The following ABCA12 variants were observed in gnomAD, a reference collection of about 807,000 sequenced individuals.
The protein encoded by ABCA12 is glucosylceramide transporter ABCA12.
A neutral mutation model predicts 293.5 loss-of-function variants in ABCA12; 156 were observed. The ratio of observed to expected loss-of-function variants is 0.53; its 90% confidence interval spans 0.47 to 0.61. The LOEUF (loss-of-function observed/expected upper bound fraction) is 0.61. Ranked by LOEUF, ABCA12 falls within the 20% of genes least tolerant of loss-of-function variation. The pLI is 0.00. For missense variants in ABCA12, 2,797 were observed against 3,090.2 expected (o/e 0.91, Z 2.25); for synonymous variants, 1,063 against 1,108.0 (o/e 0.96, Z 0.81).
chr2:215,114,251 G>A (rs1260608776), intron 1 of ABCA12, among the ~76,000 whole-genome samples: 1 of 152,156 alleles, frequency 6.6e-6, no homozygotes, highest in Non-Finnish European at 1.5e-5. Flanking sequence ...GAGATTACAG[G>A]CGTTAGTCAC....
chr2:214,944,737 C>A (rs891742568), intron 49 of ABCA12, among the ~76,000 whole-genome samples: 2 of 152,036 alleles, frequency 1.3e-5, no homozygotes, highest in Non-Finnish European at 2.9e-5. Flanking sequence ...TCCGTCCCAC[C>A]ACAGGAACTA....
chr2:215,111,636 T>C lies in ABCA12; in HGVS notation c.124A>G (p.Ile42Val), dbSNP rs1702572111. Residue 42 changes from isoleucine to valine, a missense_variant, in exon 2 of 53, where the codon ATT becomes GTT. By Grantham distance (29) the Ile-to-Val change is conservative. This residue lies in a region of ABCA12 where 656 missense variants were observed against 638.2 expected (regional missense o/e 1.03). Coordinates refer to ENST00000272895, the MANE Select transcript of ABCA12 (RefSeq NM_173076.3). ...GTTGGAGGAAATTTGGTCCGAGTAA[T>C]AGCCAAAATTATGAAAATAATGACT... Reference protein sequence around the residue: ...WPVIIFIILAITRTKFPPTAK... With the variant: ...WPVIIFIILAVTRTKFPPTAK... 2 of 1,613,432 alleles carry C rather than the reference T, an allele frequency of 1.2e-6. No homozygotes were observed. Among genetic ancestry groups the C allele is most frequent in the African/African-American group, 1.3e-5 (1 of 74,914 alleles).
At chr2:214,940,900 CTT>C (rs1433144204) in intron 50 of ABCA12, among the ~76,000 whole-genome samples, 1 of 151,432 alleles carries the variant, frequency 6.6e-6, no homozygotes, top group African/African-American at 2.4e-5. Context: ...CTTTGGTAGT[CTT>C]TTCAAAAAGC....
chr2:215,054,747 G>A, intron 3 of ABCA12, 83 bp from the exon 4 acceptor site: 1 of 1,034,720 alleles, frequency 9.7e-7, no homozygotes, highest in East Asian at 2.4e-5. Context: ...AGATTCCAGG[G>A]CTGTCTGAGG....
At chr2:215,133,149 ATTTTTTTTTTTTTTTTT>A (rs55641331) in intron 1 of ABCA12, among the ~76,000 whole-genome samples, 150 of 34,880 alleles carry the variant, frequency 4.3e-3, no homozygotes, top group South Asian at 0.013. Context: ...GCTGGCTTTA[ATTTTTTTTTTTTTTTTT>A]TTTTTTTTTT....
chr2:214,983,582 C>T (rs1253213984), intron 29 of ABCA12, 65 bp downstream of exon 29: 2 of 1,418,022 alleles, frequency 1.4e-6, no homozygotes, highest in African/African-American at 2.8e-5. Context: ...CAGAACTTTA[C>T]CAACCAAGCT....
intron 27 of ABCA12, among the ~76,000 whole-genome samples, chr2:214,987,246 CA>C (rs1699808414): frequency 6.6e-6 from 1 of 152,194 alleles, no homozygotes; most frequent in East Asian, 1.9e-4. Context: ...CAGGAAGACA[CA>C]AGCTTTGAAC....
At chr2:214,963,551 C>T (rs1447091393) in intron 39 of ABCA12, among the ~76,000 whole-genome samples, 2 of 149,028 alleles carry the variant, frequency 1.3e-5, no homozygotes, top group Admixed American at 6.7e-5. Flanking sequence ...AGACTCCTCC[C>T]TAACTAATTC....
rs373723120 is a variant in ABCA12, at chr2:214,948,670, C to T, written c.7030G>A (p.Asp2344Asn). ...GYCPQEDALD[D>N]LVTVEEHLYF... ...AAATGTTCTTCCACAGTTACCAGGT[C>T]ATCTAAGGCATCTTCCTGAGGACAG... The change falls in exon 47 of 53, where the codon GAC (aspartate) becomes AAC (asparagine). Residue 2344 changes from aspartate to asparagine, a missense_variant. Asp to Asn is a conservative substitution (Grantham distance 23, BLOSUM62 1). Transcript: ENST00000272895. 4 of 1,614,054 alleles carry T rather than the reference C, an allele frequency of 2.5e-6. No homozygotes were observed. Among genetic ancestry groups the T allele is most frequent in the Non-Finnish European group, 3.4e-6 (4 of 1,179,962 alleles).
Position 214,955,238 on chromosome 2 carries a change from C to G in ABCA12, c.6357G>C (p.Val2119=). 5 of 1,613,988 alleles carry G rather than the reference C, an allele frequency of 3.1e-6. No individual in the cohort carries two copies. Among genetic ancestry groups the G allele is most frequent in the Non-Finnish European group, 3.4e-6 (4 of 1,179,970 alleles). ...GCTTTTCCTTGGAAAGAAAGTATAC[C>G]ACTGACAGGGAAACAATGGAATTAA... ...FGINSIVSLS[V]VYFLSKEKPN... Residue 2119 remains valine, a synonymous_variant, in exon 43 of 53, where the codon GTG becomes GTC. Transcript: ENST00000272895.
In ABCA12 at chr2:214,984,605, G is replaced by A. The variant is rs186683580; in HGVS notation, c.4164-740C>T. Among the ~76,000 whole-genome samples the A allele has an allele frequency of 2.5e-4, 38 of 152,260 alleles. No individual in the cohort carries two copies. In the East Asian group the frequency reaches 7.3e-3, roughly 29 times the overall value. On this transcript the variant is annotated intron_variant, in intron 28 of 52. Coordinates refer to ENST00000272895, the MANE Select transcript of ABCA12 (RefSeq NM_173076.3). Reference sequence around the variant, plus strand: ...CTTACAGGGTCCTTCAACTCAGTATGTTTAAAACCGAGCTCATGATCTTTA... The same window carrying A: ...CTTACAGGGTCCTTCAACTCAGTATATTTAAAACCGAGCTCATGATCTTTA...
intron 2 of ABCA12, among the ~76,000 whole-genome samples, chr2:215,105,160 T>C (rs1421784322): frequency 6.6e-6 from 1 of 152,200 alleles, no homozygotes; most frequent in Non-Finnish European, 1.5e-5. Flanking sequence ...CTGCTATTAA[T>C]GTGCTATCTA....
chr2:215,037,134 C>T (rs1168788011), intron 7 of ABCA12, 69 bp from the exon 8 acceptor site: 2 of 1,261,180 alleles, frequency 1.6e-6, no homozygotes, highest in East Asian at 2.4e-5. Context: ...AAAGATTATT[C>T]AAGGAGAAAA....
At chr2:214,942,679 C>CTT (rs1273524302) in intron 50 of ABCA12, among the ~76,000 whole-genome samples, 1 of 152,116 alleles carries the variant, frequency 6.6e-6, no homozygotes, top group African/African-American at 2.4e-5. Flanking sequence ...GCCTTCTAAA[C>CTT]TTATGCATTA....
intron 50 of ABCA12, among the ~76,000 whole-genome samples, chr2:214,941,274 T>TTGAG (rs1698393176): frequency 2.0e-5 from 3 of 152,102 alleles, no homozygotes; most frequent in African/African-American, 7.2e-5. Context: ...TTGTGCGGTT[T>TTGAG]TGAGTGAGTT....
At chr2:215,005,885 T>C (rs1033844660) in intron 19 of ABCA12, among the ~76,000 whole-genome samples, 19 of 152,360 alleles carry the variant, frequency 1.2e-4, no homozygotes, top group Admixed American at 6.5e-4. Flanking sequence ...ATATGTGATC[T>C]TCACAAGTCT....
intron 2 of ABCA12, among the ~76,000 whole-genome samples, chr2:215,073,329 A>G (rs73074451): frequency 6.6e-6 from 1 of 151,636 alleles, no homozygotes; most frequent in South Asian, 2.1e-4. Context: ...ATATACATTA[A>G]TTTTTTTTTA....
chr2:214,957,019 A>T (rs1698972684), intron 41 of ABCA12, among the ~76,000 whole-genome samples: 1 of 152,206 alleles, frequency 6.6e-6, no homozygotes, highest in Non-Finnish European at 1.5e-5. Context: ...ATATACAAGG[A>T]GTCCCTGGTG....
chr2:214,952,515 C>T (rs991212419), intron 44 of ABCA12, among the ~76,000 whole-genome samples: 2 of 152,170 alleles, frequency 1.3e-5, no homozygotes, highest in Non-Finnish European at 2.9e-5. Flanking sequence ...GCCACCGCAC[C>T]TTATAACACC....
Sources: gnomAD v4.1 joint callset for allele counts (sites outside exome capture counted in the v4.1 genomes callset) on GRCh38, gnomAD v4.1.1 for gene constraint, gnomAD v4.1.1 regional missense constraint, MANE v1.5 for transcripts, NCBI Gene and HGNC (gene_info 2026-07-23, HGNC 2026-07-21) for gene names.